The following FER1L5 variants were observed in gnomAD, a reference collection of about 807,000 sequenced individuals.
FER1L5 encodes fer-1 like family member 5, also known as fer-1-like protein 5.
In FER1L5, 187 loss-of-function variants were observed where a neutral mutation model predicts 279.9. The ratio of observed to expected loss-of-function variants is 0.67; its 90% CI spans 0.59 to 0.75. The LOEUF (loss-of-function observed/expected upper bound fraction) is 0.75, where lower values mean the gene tolerates loss of function less well. Ranked by LOEUF, FER1L5 falls within the 30% of genes least tolerant of loss-of-function variation. The pLI is 0.00. For missense variants in FER1L5, 2,091 were observed against 2,594.4 expected, an observed-to-expected ratio of 0.81 and a Z score of 4.21; for synonymous variants, 921 against 989.7, an observed-to-expected ratio of 0.93 and a Z score of 1.30.
rs767171458 is a variant in FER1L5 at position 96,646,389 on chromosome 2, G to T, written c.86-12G>T. The T allele has an allele frequency of 1.8e-5, 28 of 1,551,356 alleles. 1 individual carries two copies. The South Asian group carries it at 3.0e-4, about 16-fold the overall frequency. On this transcript the variant is annotated splice_polypyrimidine_tract_variant and intron_variant, in intron 1 of 52. Transcript: ENST00000624922. ...TCCTACCATCAATGCCAGCCTCTTG[G>T]TTTCTTTGCAGATATCAAGAAAAGA...
chr2:96,690,543 T>C lies in FER1L5; in HGVS notation c.2697T>C (p.Phe899=). The C allele has an allele frequency of 1.3e-6, 2 of 1,551,644 alleles. No homozygotes were observed. Among genetic ancestry groups the C allele is most frequent in the Non-Finnish European group, 8.7e-7 (1 of 1,146,956 alleles). Residue 899 remains phenylalanine, a synonymous_variant, in exon 27 of 53, where the codon TTT becomes TTC. Coordinates refer to ENST00000624922, the MANE Select transcript of FER1L5 (RefSeq NM_001293083.2). ...ENVKCPQGWH[F]KKDWVVELNH... ...TGAAGTGCCCCCAAGGCTGGCACTT[T>C]AAGAAGGACTGGGTGGTGGAGCTGA...
intron 19 of FER1L5, among the ~76,000 whole-genome samples, chr2:96,680,878 C>T (rs1191237757): frequency 2.6e-5 from 4 of 152,132 alleles, no homozygotes; most frequent in African/African-American, 4.8e-5. Context: ...AAGTATCAAG[C>T]ACACATAAAT....
rs529476992 is a variant in FER1L5 at position 96,688,843 on chromosome 2, T to C, written c.2362-370T>C. ...GGGGAGCCTAGCCCTCCTGCACCAC[T>C]TGACCACCATTGCTGCCTCTGGGCC... On this transcript the variant is annotated intron_variant, in intron 24 of 52. Coordinates refer to ENST00000624922, the MANE Select transcript of FER1L5 (RefSeq NM_001293083.2). 8.2e-4 allele frequency: 174 copies of C among 211,578 alleles called. 1 individual carries two copies. In the South Asian group the frequency reaches 0.012, roughly 15 times the overall value. The allele number at this position is 211,578 out of a possible 1,614,324, so 13.1% of individuals were successfully genotyped here.
chr2:96,699,185 A>G, intron 42 of FER1L5, 49 bp downstream of exon 42: 1 of 1,544,618 alleles, frequency 6.5e-7, no homozygotes, highest in Non-Finnish European at 8.8e-7. Context: ...TATCCACACC[A>G]CACTGGAAGT....
At chr2:96,692,495 G>C (rs958793636) in intron 31 of FER1L5, among the ~76,000 whole-genome samples, 3 of 152,228 alleles carry the variant, frequency 2.0e-5, no homozygotes, top group African/African-American at 7.2e-5. Context: ...CCCCAGTGCT[G>C]TGGAATTAGA....
chr2:96,687,231 A>G (rs925972904), intron 23 of FER1L5, among the ~76,000 whole-genome samples: 1 of 152,112 alleles, frequency 6.6e-6, no homozygotes, highest in African/African-American at 2.4e-5. Flanking sequence ...TCTCTGGCCC[A>G]TACTCTCAAC....
At chr2:96,671,161 TTAATTCGTG>T (rs943635315) in intron 18 of FER1L5, among the ~76,000 whole-genome samples, 35 of 147,136 alleles carry the variant, frequency 2.4e-4, no homozygotes, top group African/African-American at 8.3e-4. Flanking sequence ...AGAAATTGTG[TTAATTCGTG>T]ACCTAGTTTC....
At chr2:96,672,961 G>T in intron 18 of FER1L5, 116 bp from the exon 19 acceptor site, 1 of 1,325,880 alleles carries the variant, frequency 7.5e-7, no homozygotes, top group Non-Finnish European at 1.0e-6. Context: ...CCTTTGAGAG[G>T]GAGAGAAGGG....
At position 96,702,120 on chromosome 2, in the gene FER1L5, G is replaced by C; in HGVS notation, c.5159+77G>C. The stretch of plus-strand genomic sequence containing the variant: ...CCAGTGCAGGGCACCACTGTCCTCA[G>C]GTACTGAGCTGCAGTAATTCGTTTC... On this transcript the variant is annotated intron_variant, in intron 46 of 52. Coordinates refer to ENST00000624922, the MANE Select transcript of FER1L5 (RefSeq NM_001293083.2). The surrounding 1 kb of genome is among the most constrained non-coding windows in gnomAD (Gnocchi z 4.0). 1 of 1,577,398 alleles carries C rather than the reference G, an allele frequency of 6.3e-7. No homozygotes were observed. The highest frequency in any genetic ancestry group is 8.7e-7 in the Non-Finnish European group (1 of 1,153,986).
chr2:96,699,821 C>A (rs1194849273), intron 43 of FER1L5, 101 bp downstream of exon 43: 18 of 1,575,406 alleles, frequency 1.1e-5, no homozygotes, highest in Non-Finnish European at 1.5e-5. Flanking sequence ...GAACCAGGGC[C>A]CAGACCTGCC....
chr2:96,679,176 T>TTTTTTTAAAAAA (rs2076620401), intron 19 of FER1L5, among the ~76,000 whole-genome samples: 1 of 151,654 alleles, frequency 6.6e-6, no homozygotes, highest in Non-Finnish European at 1.5e-5. Flanking sequence ...CATGGCGAGA[T>TTTTTTTAAAAAA]CCTACAGAAA....
At chr2:96,659,621 A>G (rs2075876192) in intron 9 of FER1L5, among the ~76,000 whole-genome samples, 3 of 149,568 alleles carry the variant, frequency 2.0e-5, no homozygotes, top group Admixed American at 6.8e-5. Flanking sequence ...CCTCCCTAGT[A>G]GCTGAGACTA....
intron 18 of FER1L5, among the ~76,000 whole-genome samples, 183 bp from the exon 19 acceptor site, chr2:96,672,894 A>G (rs1271313728): frequency 1.3e-5 from 2 of 152,038 alleles, no homozygotes; most frequent in Non-Finnish European, 2.9e-5. Flanking sequence ...GGGCCAGATG[A>G]TGGAAGTCCT....
At position 96,661,694 on chromosome 2, in the gene FER1L5, C is replaced by T. The variant is rs531968420; in HGVS notation, c.921C>T (p.Thr307=). ...ALIDQKLLYG[T]DDTDIQIFKS... The stretch of plus-strand genomic sequence containing the variant: ...TAGATCAAAAGCTGCTCTATGGCAC[C>T]GATGACACCGATATTCAGATCTTCA... The change falls in exon 12 of 53, where the codon ACC becomes ACT. Residue 307 remains threonine, a synonymous_variant. Transcript: ENST00000624922. 3.9e-5 allele frequency: 61 copies of T among 1,551,690 alleles called. No homozygotes were observed. In the Middle Eastern group the frequency reaches 5.0e-4, roughly 13 times the overall value.
intron 38 of FER1L5, 30 bp from the exon 39 acceptor site, chr2:96,697,630 C>T (rs568324234): frequency 2.5e-5 from 40 of 1,613,822 alleles, no homozygotes; most frequent in African/African-American, 4.0e-5. Flanking sequence ...TGCCCCTGCC[C>T]GAGGCCAGAA....
intron 34 of FER1L5, 70 bp from the exon 35 acceptor site, chr2:96,695,437 CTT>C (rs542775379): frequency 1.7e-4 from 253 of 1,493,084 alleles, no homozygotes; most frequent in Non-Finnish European, 2.2e-4. Flanking sequence ...CCTCAGCCCC[CTT>C]CTCTGGCCAG....
intron 6 of FER1L5, among the ~76,000 whole-genome samples, chr2:96,651,550 G>A (rs947239967): frequency 1.4e-5 from 2 of 147,546 alleles, no homozygotes; most frequent in Non-Finnish European, 3.0e-5. Context: ...TGCCCAGGCT[G>A]GAGTGCAGTG....
At position 96,691,350 on chromosome 2, in the gene FER1L5, G is replaced by A. The variant is rs1184170428; in HGVS notation, c.2904G>A (p.Gln968=). The A allele has an allele frequency of 6.5e-7, 1 of 1,548,954 alleles. No homozygotes were observed. Among genetic ancestry groups the A allele is most frequent in the East Asian group, 2.4e-5 (1 of 40,872 alleles). The change falls in exon 28 of 53, where the codon CAG becomes CAA. Residue 968 remains glutamine (Q), a synonymous_variant. Coordinates refer to ENST00000624922, the MANE Select transcript of FER1L5 (RefSeq NM_001293083.2). The surrounding 1 kb of genome is among the most constrained non-coding windows in gnomAD (Gnocchi z 6.0). Reference sequence around the variant, plus strand: ...AGCAGGAGACCCTCTCCTTCCTGCAGCTGGTGAGGGGTCGACGGGCGCCCT... The same window carrying A: ...AGCAGGAGACCCTCTCCTTCCTGCAACTGGTGAGGGGTCGACGGGCGCCCT... The part of the protein sequence containing the change: ...SHEQETLSFL[Q]LGLAKGEEEG...
rs1158895223 is a variant in FER1L5, at chr2:96,695,758, A to C, written c.3911A>C (p.Glu1304Ala). 7 of 1,612,516 alleles carry C rather than the reference A, an allele frequency of 4.3e-6. No individual in the cohort carries two copies. Among genetic ancestry groups the C allele is most frequent in the African/African-American group, 1.3e-5 (1 of 74,924 alleles). ...GGATTGCAGCTCATGCCGACGGAGG[A>C]GGCCTATGCACTGCCCCTCGTGGTG... is the stretch of plus-strand genomic sequence containing the variant. ...LVLTVLMPTE[E>A]AYALPLVVKV... is the part of the protein sequence containing the mutation. Residue 1304 changes from glutamate (E) to alanine (A), a missense_variant, in exon 36 of 53, where the codon GAG becomes GCG. Physicochemically the swap from Glu to Ala is moderately radical, Grantham distance 107. Transcript: ENST00000624922.
Sources: allele counts gnomAD v4.1 joint callset (sites outside exome capture counted in the v4.1 genomes callset), GRCh38; gene constraint gnomAD v4.1.1; non-coding constraint Gnocchi (gnomAD v3.1); transcripts MANE v1.5; gene names NCBI Gene and HGNC (gene_info 2026-07-23, HGNC 2026-07-21).